The following CFAP299 variants were observed in gnomAD, a reference collection of about 807,000 sequenced individuals.
CFAP299 encodes the protein cilia and flagella associated protein 299.
A neutral mutation model predicts 27.0 loss-of-function variants in CFAP299; 21 were observed. The observed-to-expected ratio is 0.78, with a 90% CI of 0.55 to 1.12. The LOEUF is 1.12. Ranked by LOEUF, CFAP299 falls within the 50% of genes most tolerant of loss-of-function variation. The pLI, the probability that CFAP299 is intolerant of heterozygous loss-of-function variation, is 0.00. For synonymous variants in CFAP299, 104 were observed against 98.1 expected, an observed-to-expected ratio of 1.06 and a Z score of -0.36; for missense variants, 310 against 276.6, an observed-to-expected ratio of 1.12 and a Z score of -0.86.
At chr4:80,733,140 A>G (rs1351561064) in intron 3 of CFAP299, among the ~76,000 whole-genome samples, 1 of 152,122 alleles carries the variant, frequency 6.6e-6, no homozygotes, top group African/African-American at 2.4e-5. Context: ...CTGAAAGCCT[A>G]TGAATGGATA....
intron 3 of CFAP299, among the ~76,000 whole-genome samples, chr4:80,777,771 C>T (rs1317712256): frequency 2.0e-5 from 3 of 151,996 alleles, no homozygotes; most frequent in African/African-American, 7.2e-5. Flanking sequence ...GGGCCCTTAA[C>T]TCTTAGAGAG....
At chr4:80,738,947 C>T (rs1414589352) in intron 3 of CFAP299, among the ~76,000 whole-genome samples, 1 of 151,902 alleles carries the variant, frequency 6.6e-6, no homozygotes, top group Non-Finnish European at 1.5e-5. Flanking sequence ...ATGAGGCTTG[C>T]AGGTACTATC....
intron 3 of CFAP299, among the ~76,000 whole-genome samples, chr4:80,610,862 T>C (rs1737931090): frequency 6.6e-6 from 1 of 152,030 alleles, no homozygotes; most frequent in Non-Finnish European, 1.5e-5. Context: ...TTGCTCTGGG[T>C]GGCTGATAAC....
chr4:80,349,410 A>G (rs186378198), intron 1 of CFAP299, among the ~76,000 whole-genome samples: 4 of 152,360 alleles, frequency 2.6e-5, no homozygotes, highest in African/African-American at 9.6e-5. Context: ...GAATATATTT[A>G]TGTCTGACTT....
chr4:80,797,022 T>C lies in CFAP299; in HGVS notation c.334-72971T>C, dbSNP rs954478031. 8.5e-5 allele frequency among the ~76,000 whole-genome samples: 13 copies of C among 152,222 alleles called. No individual in the cohort carries two copies. The East Asian group carries it at 1.9e-3, about 23-fold the overall frequency. ...AAGTTGGACCTGAGCTAAAACTCCA[T>C]TAATTACCTGACCTCCATAAGCCCC... On this transcript the variant is annotated intron_variant, in intron 3 of 5. Transcript: ENST00000358105.
chr4:80,926,277 T>C (rs1166973452), intron 4 of CFAP299, among the ~76,000 whole-genome samples: 1 of 152,010 alleles, frequency 6.6e-6, no homozygotes, highest in Admixed American at 6.6e-5. Flanking sequence ...GGAGTTTGTG[T>C]GCTAAGCTAC....
chr4:80,598,427 G>A (rs780918619), intron 3 of CFAP299, among the ~76,000 whole-genome samples: 3 of 152,180 alleles, frequency 2.0e-5, no homozygotes, highest in Non-Finnish European at 2.9e-5. Flanking sequence ...CAAAATGTGA[G>A]ATATTTAAAT....
intron 2 of CFAP299, among the ~76,000 whole-genome samples, chr4:80,507,401 G>T (rs1732088366): frequency 6.6e-6 from 1 of 152,066 alleles, no homozygotes. Context: ...TAGTGTATTT[G>T]GGTGCCTTTA....
At chr4:80,840,352 G>A (rs1365888161) in intron 3 of CFAP299, among the ~76,000 whole-genome samples, 1 of 152,122 alleles carries the variant, frequency 6.6e-6, no homozygotes, top group Non-Finnish European at 1.5e-5. Flanking sequence ...AAAGAACTTA[G>A]ATGACATGAC....
intron 2 of CFAP299, among the ~76,000 whole-genome samples, chr4:80,469,326 T>C (rs996909214): frequency 1.3e-5 from 2 of 152,230 alleles, no homozygotes; most frequent in Non-Finnish European, 2.9e-5. Flanking sequence ...AATGTATTTA[T>C]CTGAAAGTGA....
At chr4:80,897,514 G>T (rs908148157) in intron 4 of CFAP299, among the ~76,000 whole-genome samples, 4 of 152,152 alleles carry the variant, frequency 2.6e-5, no homozygotes, top group Non-Finnish European at 5.9e-5. Context: ...AACATCACTG[G>T]GAGGACTGAA....
chr4:80,590,360 TG>T (rs1208923257), intron 3 of CFAP299, among the ~76,000 whole-genome samples: 2 of 152,170 alleles, frequency 1.3e-5, no homozygotes, highest in Non-Finnish European at 2.9e-5. Flanking sequence ...CAGAATGAGC[TG>T]GGCACAGTGG....
intron 2 of CFAP299, among the ~76,000 whole-genome samples, chr4:80,523,406 G>A (rs182988147): frequency 4.3e-4 from 66 of 152,204 alleles, no homozygotes; most frequent in Non-Finnish European, 8.4e-4. Flanking sequence ...ATAATAGAAT[G>A]TTTTATTGGA....
chr4:80,658,713 T>C (rs1165404104), intron 3 of CFAP299, among the ~76,000 whole-genome samples: 1 of 152,098 alleles, frequency 6.6e-6, no homozygotes, highest in Non-Finnish European at 1.5e-5. Context: ...TCTCAGATAG[T>C]AAGAATAGTG....
intron 2 of CFAP299, among the ~76,000 whole-genome samples, chr4:80,554,710 T>G (rs934153306): frequency 2.6e-5 from 4 of 152,114 alleles, no homozygotes; most frequent in Non-Finnish European, 5.9e-5. Flanking sequence ...ATTGAGATCT[T>G]TCATCTCCCT....
At chr4:80,948,170 T>C (rs1199393581) in intron 5 of CFAP299, among the ~76,000 whole-genome samples, 1 of 152,182 alleles carries the variant, frequency 6.6e-6, no homozygotes, top group African/African-American at 2.4e-5. Flanking sequence ...ATGTGTTTAC[T>C]TTGTCCAACA....
At chr4:80,433,111 T>C (rs1408908894) in intron 2 of CFAP299, among the ~76,000 whole-genome samples, 1 of 152,148 alleles carries the variant, frequency 6.6e-6, no homozygotes, top group Non-Finnish European at 1.5e-5. Flanking sequence ...TCTGAACTCA[T>C]TGTCCTTAAT....
rs142907653 is a variant in CFAP299 at position 80,863,169 on chromosome 4, A to C, written c.334-6824A>C. On this transcript the variant is annotated intron_variant, in intron 3 of 5. Coordinates refer to ENST00000358105, the MANE Select transcript of CFAP299 (RefSeq NM_152770.3). ...CTCATTCCCTGGAAAAGGATGTTTC[A>C]GTTTCAGTACAGCAACATACTGCTT... is the stretch of plus-strand genomic sequence containing the variant. Among the ~76,000 whole-genome samples, 554 of 148,940 alleles carry C rather than the reference A, an allele frequency of 3.7e-3. 3 individuals are homozygous for C. Among genetic ancestry groups the C allele is most frequent in the African/African-American group, 0.013 (539 of 40,528 alleles).
intron 3 of CFAP299, among the ~76,000 whole-genome samples, chr4:80,721,816 A>G (rs1227851790): frequency 2.0e-5 from 3 of 152,178 alleles, no homozygotes; most frequent in Non-Finnish European, 4.4e-5. Flanking sequence ...TTTAAAGACC[A>G]AAAAGAAAAA....
Sources: gnomAD v4.1 joint callset for allele counts (sites outside exome capture counted in the v4.1 genomes callset) on GRCh38, gnomAD v4.1.1 for gene constraint, MANE v1.5 for transcripts, NCBI Gene and HGNC (gene_info 2026-07-23, HGNC 2026-07-21) for gene names.